The following CTTN variants were observed in gnomAD, a reference collection of about 807,000 sequenced individuals.
The protein encoded by CTTN is src substrate cortactin.
In CTTN, 28 loss-of-function variants were observed where a neutral mutation model predicts 84.0. That is an observed-to-expected ratio of 0.33 (90% CI 0.25 to 0.46). The LOEUF (loss-of-function observed/expected upper bound fraction) is 0.46. Among genes scored for constraint, CTTN ranks in the 20% least tolerant of loss-of-function variants. CTTN has a pLI of 1.00. For synonymous variants in CTTN, 301 were observed against 288.8 expected, an observed-to-expected ratio of 1.04 and a Z score of -0.43; for missense variants, 641 against 723.8, an observed-to-expected ratio of 0.89 and a Z score of 1.31.
chr11:70,411,229 G>A (rs888070693), intron 5 of CTTN, among the ~76,000 whole-genome samples: 8 of 150,880 alleles, frequency 5.3e-5, no homozygotes, highest in Non-Finnish European at 5.9e-5. Context: ...TGCAGCGAGC[G>A]AAGCGTGTGC....
At chr11:70,432,205 G>A (rs1019101341) in intron 15 of CTTN, among the ~76,000 whole-genome samples, 3 of 152,182 alleles carry the variant, frequency 2.0e-5, no homozygotes, top group Non-Finnish European at 4.4e-5. Flanking sequence ...GTGAGGCCTT[G>A]CAGCTTGTCA....
chr11:70,432,557 G>A lies in CTTN; in HGVS notation c.1267-544G>A, dbSNP rs115106693. On this transcript the variant is annotated intron_variant, in intron 15 of 17. Transcript: ENST00000301843. ...TCGCTGGGGCTCCGAAGCGGCAGTGGTTATAGATAGAGAGGTGTTCCACTG... is the reference window on the plus strand; with the variant it reads ...TCGCTGGGGCTCCGAAGCGGCAGTGATTATAGATAGAGAGGTGTTCCACTG... 8.4e-3 allele frequency among the ~76,000 whole-genome samples: 1,273 copies of A among 152,294 alleles called. 16 individuals carry two copies. The highest frequency in any genetic ancestry group is 0.029 in the African/African-American group (1,191 of 41,588).
chr11:70,430,535 A>T (rs2135594568), intron 14 of CTTN, among the ~76,000 whole-genome samples: 1 of 152,260 alleles, frequency 6.6e-6, no homozygotes, highest in Non-Finnish European at 1.5e-5. Context: ...TTGTGATTAC[A>T]TTGGGTCCAC....
At chr11:70,421,728 C>G (rs1460576615) in intron 11 of CTTN, 148 bp downstream of exon 11, 5 of 647,766 alleles carry the variant, frequency 7.7e-6, no homozygotes, top group East Asian at 2.6e-5. Flanking sequence ...CACTTTAAAC[C>G]CATTTCTAGT....
intron 15 of CTTN, among the ~76,000 whole-genome samples, 171 bp from the exon 16 acceptor site, chr11:70,432,930 A>G (rs1222317801): frequency 6.6e-6 from 1 of 152,188 alleles, no homozygotes; most frequent in Non-Finnish European, 1.5e-5. Context: ...ACTCACCACC[A>G]TGGTGAACAC....
At chr11:70,423,131 C>T (rs1447420576) in intron 12 of CTTN, 136 bp downstream of exon 12, 20 of 1,051,752 alleles carry the variant, frequency 1.9e-5, no homozygotes, top group East Asian at 2.6e-5. Flanking sequence ...GTGGTGGTGG[C>T]GATGACTGAC....
intron 1 of CTTN, among the ~76,000 whole-genome samples, chr11:70,400,655 C>T (rs534079516): frequency 2.6e-5 from 4 of 152,334 alleles, no homozygotes; most frequent in African/African-American, 9.6e-5. Context: ...CACACATAAT[C>T]GGCAATTCAG....
At chr11:70,414,761 C>A in intron 6 of CTTN, 109 bp downstream of exon 6, 1 of 742,752 alleles carries the variant, frequency 1.3e-6, no homozygotes. Flanking sequence ...CCCTCCAGCT[C>A]TGGGGGACTG....
intron 5 of CTTN, among the ~76,000 whole-genome samples, chr11:70,412,681 G>A (rs969934934): frequency 1.3e-5 from 2 of 152,154 alleles, no homozygotes; most frequent in African/African-American, 4.8e-5. Flanking sequence ...TGCGGCCAGC[G>A]GTGGCTGCAT....
chr11:70,410,092 G>A (rs186107229), intron 5 of CTTN, 132 bp downstream of exon 5: 310 of 879,028 alleles, frequency 3.5e-4, no homozygotes, highest in African/African-American at 2.9e-3. Context: ...CGATTTGCCC[G>A]GAGTAGACCC....
rs73520204 is a variant in CTTN at position 70,433,890 on chromosome 11, C to G, written c.1516+172C>G. 5.3e-4 allele frequency among the ~76,000 whole-genome samples: 80 copies of G among 152,264 alleles called. 1 individual carries two copies. The highest frequency in any genetic ancestry group is 1.9e-3 in the African/African-American group (77 of 41,540). ...GTATAGTGCCAAGAACTCCCATGTTCCCTACCCGGATTCCATCTCTGCACA... is the reference window on the plus strand; with the variant it reads ...GTATAGTGCCAAGAACTCCCATGTTGCCTACCCGGATTCCATCTCTGCACA... On this transcript the variant is annotated intron_variant, in intron 17 of 17. Coordinates refer to ENST00000301843, the MANE Select transcript of CTTN (RefSeq NM_005231.4).
chr11:70,430,149 A>G (rs2058339204), intron 14 of CTTN, among the ~76,000 whole-genome samples: 2 of 152,164 alleles, frequency 1.3e-5, no homozygotes, highest in African/African-American at 4.8e-5. Context: ...CAGCACTACC[A>G]TTGTTCCCGT....
intron 13 of CTTN, among the ~76,000 whole-genome samples, chr11:70,427,294 A>G (rs1431954917): frequency 6.6e-6 from 1 of 152,140 alleles, no homozygotes; most frequent in Non-Finnish European, 1.5e-5. Flanking sequence ...GGTCGCAGTG[A>G]GCCTTGATTG....
intron 4 of CTTN, 61 bp downstream of exon 4, chr11:70,407,652 C>T (rs2058057926): frequency 6.6e-7 from 1 of 1,511,496 alleles, no homozygotes; most frequent in Non-Finnish European, 9.1e-7. Context: ...CCAGGTGCAA[C>T]AGGGCCCATG....
intron 13 of CTTN, among the ~76,000 whole-genome samples, chr11:70,428,286 C>T (rs2058320820): frequency 6.6e-6 from 1 of 151,244 alleles, no homozygotes; most frequent in African/African-American, 2.4e-5. Context: ...CTGCCTCAGC[C>T]TCCCGAGTAG....
intron 10 of CTTN, among the ~76,000 whole-genome samples, chr11:70,420,761 C>A (rs1565494884): frequency 6.6e-6 from 1 of 152,138 alleles, no homozygotes; most frequent in Non-Finnish European, 1.5e-5. Context: ...ACGGGCCAAG[C>A]CTGCAGCAGG....
chr11:70,421,902 G>A (rs935552561), intron 11 of CTTN: 1 of 316,270 alleles, frequency 3.2e-6, no homozygotes, highest in African/African-American at 2.1e-5. Context: ...TCTGCCCGAG[G>A]CTGTTCTGCT....
chr11:70,426,880 A>G (rs1465296809), intron 13 of CTTN, among the ~76,000 whole-genome samples: 1 of 151,554 alleles, frequency 6.6e-6, no homozygotes, highest in Non-Finnish European at 1.5e-5. Context: ...GATTACAGGC[A>G]TGAGCCACTG....
intron 9 of CTTN, 48 bp from the exon 10 acceptor site, chr11:70,420,352 C>A: frequency 1.6e-6 from 2 of 1,236,082 alleles, no homozygotes; most frequent in Non-Finnish European, 2.4e-6. Flanking sequence ...CACCTGTGAC[C>A]TGCACTACCT....
Sources: allele counts gnomAD v4.1 joint callset (sites outside exome capture counted in the v4.1 genomes callset), GRCh38; gene constraint gnomAD v4.1.1; transcripts MANE v1.5; gene names NCBI Gene and HGNC (gene_info 2026-07-23, HGNC 2026-07-21).